The following KIF26B variants were observed in gnomAD, a reference collection of about 807,000 sequenced individuals.
KIF26B encodes kinesin-like protein KIF26B.
A neutral mutation model predicts 151.2 loss-of-function variants in KIF26B; 63 were observed. The observed-to-expected ratio is 0.42, with a 90% confidence interval of 0.34 to 0.51. The LOEUF (loss-of-function observed/expected upper bound fraction) is 0.51, where lower values mean the gene tolerates loss of function less well. KIF26B is among the 20% of genes least tolerant of loss of function. The probability of loss-of-function intolerance (pLI) is 0.07; values close to 1 mark genes in which losing one functional copy is unlikely to be tolerated. For missense variants in KIF26B, 2,813 were observed against 2,913.6 expected, an observed-to-expected ratio of 0.97 and a Z score of 0.79; for synonymous variants, 1,357 against 1,262.1, an observed-to-expected ratio of 1.08 and a Z score of -1.59.
chr1:245,156,628 T>C lies in KIF26B; in HGVS notation c.410T>C (p.Val137Ala). 1 of 1,524,190 alleles carries C rather than the reference T, an allele frequency of 6.6e-7. No individual in the cohort carries two copies. The highest frequency in any genetic ancestry group is 8.8e-7 in the Non-Finnish European group (1 of 1,142,608). 94.4% of individuals were successfully genotyped at this position (1,524,190 alleles called of 1,614,324 possible). A position where few individuals can be genotyped will look rare whatever the true frequency, so the allele number is the denominator to read the frequency against. ...VWCENCNARL[V>A]ELKRQALRLL... ...TGCGAGAACTGCAACGCCCGCCTGG[T>C]GGAGCTCAAGAGGCAGGCCCTGAGG... The change falls in exon 2 of 15, where the codon GTG becomes GCG. Residue 137 changes from valine to alanine, a missense_variant. Val to Ala is a moderately conservative substitution (Grantham distance 64). Transcript: ENST00000407071.
chr1:245,588,588 A>T (rs2043252375), intron 5 of KIF26B, among the ~76,000 whole-genome samples: 1 of 152,248 alleles, frequency 6.6e-6, no homozygotes, highest in South Asian at 2.1e-4. Flanking sequence ...AGATGGCAGC[A>T]GGATGACTGG....
At chr1:245,240,976 A>G (rs1362425093) in intron 2 of KIF26B, among the ~76,000 whole-genome samples, 1 of 152,132 alleles carries the variant, frequency 6.6e-6, no homozygotes, top group Non-Finnish European at 1.5e-5. Flanking sequence ...CCCTGCCCCC[A>G]GAGTCCCCGC....
intron 2 of KIF26B, chr1:245,216,413 A>C (rs963293075): frequency 2.7e-5 from 4 of 150,504 alleles, no homozygotes; most frequent in African/African-American, 9.8e-5. Context: ...ACCCTCAAGA[A>C]GTCCCGAAGA....
intron 2 of KIF26B, among the ~76,000 whole-genome samples, chr1:245,364,514 G>A (rs993124967): frequency 2.1e-5 from 3 of 144,010 alleles, no homozygotes; most frequent in Admixed American, 7.4e-5. Flanking sequence ...TCTGCCTCCC[G>A]TGTTCAAGTC....
chr1:245,194,240 A>G (rs1420055542), intron 2 of KIF26B, among the ~76,000 whole-genome samples: 1 of 152,066 alleles, frequency 6.6e-6, no homozygotes, highest in Non-Finnish European at 1.5e-5. Context: ...TTTGCCCCTC[A>G]TTTGGAATTG....
chr1:245,473,841 C>T lies in KIF26B; in HGVS notation c.1166+54096C>T, dbSNP rs535884025. On this transcript the variant is annotated intron_variant, in intron 4 of 14. Coordinates refer to ENST00000407071, the MANE Select transcript of KIF26B (RefSeq NM_018012.4). ...GAATCCCTGCAAAGGGCCAGGGGCC[C>T]GTCAGTGGCTCCTCCTCAGTGCAGC... Among the ~76,000 whole-genome samples, 80 of 151,904 alleles carry T rather than the reference C, an allele frequency of 5.3e-4. 2 individuals are homozygous for T. Among genetic ancestry groups the T allele is most frequent in the South Asian group, 1.9e-3 (9 of 4,766 alleles).
chr1:245,349,479 C>T (rs1025177651), intron 2 of KIF26B, among the ~76,000 whole-genome samples: 1 of 150,954 alleles, frequency 6.6e-6, no homozygotes, highest in South Asian at 2.1e-4. Context: ...CTTGAATAAT[C>T]CTGTTTTACC....
At chr1:245,544,927 C>T (rs926884555) in intron 5 of KIF26B, among the ~76,000 whole-genome samples, 2 of 152,132 alleles carry the variant, frequency 1.3e-5, no homozygotes, top group African/African-American at 4.8e-5. Flanking sequence ...ACCAGGGAGT[C>T]ATTTCTGGCC....
At chr1:245,629,110 A>C (rs902983373) in intron 9 of KIF26B, among the ~76,000 whole-genome samples, 16 of 152,188 alleles carry the variant, frequency 1.1e-4, no homozygotes, top group African/African-American at 3.9e-4. Flanking sequence ...ACACAAACAA[A>C]TGGAAAAACA....
At position 245,687,415 on chromosome 1, in the gene KIF26B, CAGG is replaced by C; in HGVS notation, c.4435_4437del (p.Glu1479del). The C allele has an allele frequency of 6.3e-7, 1 of 1,588,974 alleles. No homozygotes were observed. Among genetic ancestry groups the C allele is most frequent in the Non-Finnish European group, 8.6e-7 (1 of 1,168,020 alleles). On this transcript the variant is annotated inframe_deletion, in exon 12 of 15. Transcript: ENST00000407071. The surrounding 1 kb of genome is among the most constrained non-coding windows in gnomAD (Gnocchi z 4.9). Reference sequence around the variant, plus strand: ...CTCGAATGCTGAGACCAGAGCAGAGCAGGAGCAGGACGGAAAGCCCAGTCCGGG... The same window carrying C: ...CTCGAATGCTGAGACCAGAGCAGAGCAGCAGGACGGAAAGCCCAGTCCGGG...
At chr1:245,637,465 G>T (rs967327281) in intron 9 of KIF26B, among the ~76,000 whole-genome samples, 1 of 151,880 alleles carries the variant, frequency 6.6e-6, no homozygotes, top group Non-Finnish European at 1.5e-5. Context: ...CCATATGTAG[G>T]TTATCTTTTC....
intron 3 of KIF26B, chr1:245,370,544 G>A (rs1673088047): frequency 2.2e-6 from 1 of 455,782 alleles, no homozygotes. Context: ...ACATACTTGT[G>A]TTACACAGAC....
chr1:245,421,000 G>A (rs1756911), intron 4 of KIF26B, among the ~76,000 whole-genome samples: 2 of 152,204 alleles, frequency 1.3e-5, no homozygotes, highest in Non-Finnish European at 2.9e-5. Flanking sequence ...GTTTATTGTC[G>A]TATGAACACT....
chr1:245,302,988 CAAAAAAAAAAAAAAA>C (rs74163037), intron 2 of KIF26B, among the ~76,000 whole-genome samples: 5 of 35,816 alleles, frequency 1.4e-4, no homozygotes. Context: ...GACTCTGTCT[CAAAAAAAAAAAAAAA>C]AAAAAAAAAA....
chr1:245,697,957 C>A, intron 12 of KIF26B, 149 bp from the exon 13 acceptor site: 1 of 679,528 alleles, frequency 1.5e-6, no homozygotes, highest in African/African-American at 1.8e-5. Context: ...AAGAGAATTG[C>A]TTGAGCCCAG....
chr1:245,425,697 G>A (rs958404619), intron 4 of KIF26B, among the ~76,000 whole-genome samples: 18 of 152,184 alleles, frequency 1.2e-4, no homozygotes, highest in East Asian at 3.9e-4. Flanking sequence ...GAGCCATGGC[G>A]CCCAGCTGTG....
chr1:245,242,678 A>G (rs2941282), intron 2 of KIF26B, among the ~76,000 whole-genome samples: 87,838 of 151,960 alleles, frequency 0.58, 26,363 homozygotes, highest in Non-Finnish European at 0.66. Context: ...TTGAGATGGA[A>G]TCTTGCTCTG....
chr1:245,179,882 C>G (rs1668873883), intron 2 of KIF26B, among the ~76,000 whole-genome samples: 1 of 152,148 alleles, frequency 6.6e-6, no homozygotes, highest in Non-Finnish European at 1.5e-5. Context: ...AGTTGCGGGG[C>G]AGAGGCAGTG....
At chr1:245,322,584 C>T (rs938050253) in intron 2 of KIF26B, among the ~76,000 whole-genome samples, 4 of 152,050 alleles carry the variant, frequency 2.6e-5, no homozygotes. Context: ...TGATAATGGA[C>T]AGAAGAACAA....
Sources: allele counts gnomAD v4.1 joint callset (sites outside exome capture counted in the v4.1 genomes callset), GRCh38; gene constraint gnomAD v4.1.1; non-coding constraint Gnocchi (gnomAD v3.1); transcripts MANE v1.5; gene names NCBI Gene and HGNC (gene_info 2026-07-23, HGNC 2026-07-21).